PPM1H: variants seen among roughly 807,000 people sequenced by gnomAD.
PPM1H encodes the protein protein phosphatase 1H.
Under a neutral mutation model 54.9 loss-of-function variants are expected in PPM1H, and 27 were observed. The observed-to-expected ratio is 0.49, with a 90% CI of 0.36 to 0.68. PPM1H has a LOEUF of 0.68. Ranked by LOEUF, PPM1H falls within the 30% of genes least tolerant of loss-of-function variation. PPM1H has a pLI of 0.00. For synonymous variants in PPM1H, 305 were observed against 270.8 expected (o/e 1.13, Z -1.24); for missense variants, 596 against 667.8 (o/e 0.89, Z 1.19).
intron 4 of PPM1H, among the ~76,000 whole-genome samples, chr12:62,781,065 G>T (rs1180087384): frequency 6.6e-6 from 1 of 152,176 alleles, no homozygotes; most frequent in Admixed American, 6.5e-5. Context: ...TTTCCCAGGG[G>T]CCCAACAATG....
intron 2 of PPM1H, among the ~76,000 whole-genome samples, chr12:62,809,620 T>C (rs1261372948): frequency 6.6e-6 from 1 of 152,196 alleles, no homozygotes; most frequent in East Asian, 1.9e-4. Flanking sequence ...GGTATGAAGG[T>C]GATGCTTTTA....
At chr12:62,778,695 A>C (rs569668094) in intron 4 of PPM1H, among the ~76,000 whole-genome samples, 4 of 152,330 alleles carry the variant, frequency 2.6e-5, no homozygotes, top group Admixed American at 2.6e-4. Flanking sequence ...TCATGCCTAT[A>C]ATCCTAACAC....
At chr12:62,822,648 G>A (rs138123052) in intron 2 of PPM1H, among the ~76,000 whole-genome samples, 1 of 152,068 alleles carries the variant, frequency 6.6e-6, no homozygotes, top group African/African-American at 2.4e-5. Flanking sequence ...TGACTACTGG[G>A]TACATAATGA....
chr12:62,869,040 C>T (rs1440060227), intron 1 of PPM1H, among the ~76,000 whole-genome samples: 1 of 152,198 alleles, frequency 6.6e-6, no homozygotes, highest in Non-Finnish European at 1.5e-5. Context: ...TACACACAGT[C>T]ACACAGATAA....
At chr12:62,845,589 T>G (rs1262034498) in intron 1 of PPM1H, among the ~76,000 whole-genome samples, 1 of 152,102 alleles carries the variant, frequency 6.6e-6, no homozygotes, top group Non-Finnish European at 1.5e-5. Context: ...TTAATACGGG[T>G]GTACAAGGGA....
intron 2 of PPM1H, among the ~76,000 whole-genome samples, chr12:62,818,254 C>T (rs189632010): frequency 6.2e-4 from 94 of 152,292 alleles, no homozygotes; most frequent in East Asian, 3.7e-3. Context: ...GTACCCTCCT[C>T]CTCTTATCTC....
chr12:62,695,953 C>T (rs1352620251), intron 6 of PPM1H, among the ~76,000 whole-genome samples: 1 of 152,058 alleles, frequency 6.6e-6, no homozygotes. Context: ...TAGAAAGGGG[C>T]TGGGCCTTGA....
intron 6 of PPM1H, among the ~76,000 whole-genome samples, chr12:62,709,382 G>C (rs554759869): frequency 6.6e-6 from 1 of 152,248 alleles, no homozygotes; most frequent in South Asian, 2.1e-4. Flanking sequence ...CCCAGCTGGG[G>C]CCTACTTGTC....
intron 5 of PPM1H, among the ~76,000 whole-genome samples, chr12:62,737,088 G>T (rs899116002): frequency 7.9e-5 from 12 of 152,078 alleles, no homozygotes; most frequent in African/African-American, 2.9e-4. Flanking sequence ...GAGCTGCCAC[G>T]TGGGCAGATT....
chr12:62,717,006 C>T (rs2120448157), intron 6 of PPM1H, among the ~76,000 whole-genome samples: 1 of 151,942 alleles, frequency 6.6e-6, no homozygotes, highest in East Asian at 1.9e-4. Context: ...TGAGGTCTTG[C>T]TCTGTTGCCC....
At chr12:62,784,555 T>C (rs2076660020) in intron 4 of PPM1H, among the ~76,000 whole-genome samples, 1 of 152,202 alleles carries the variant, frequency 6.6e-6, no homozygotes, top group South Asian at 2.1e-4. Context: ...ACAGCTAATA[T>C]CTAGCAATAA....
At chr12:62,827,182 T>C (rs1404936377) in intron 2 of PPM1H, among the ~76,000 whole-genome samples, 1 of 152,186 alleles carries the variant, frequency 6.6e-6, no homozygotes, top group Admixed American at 6.5e-5. Flanking sequence ...AGAATCAGAA[T>C]CAGTATACTC....
chr12:62,927,331 C>A (rs1023091780), intron 1 of PPM1H, among the ~76,000 whole-genome samples: 2 of 152,076 alleles, frequency 1.3e-5, no homozygotes, highest in Non-Finnish European at 2.9e-5. Flanking sequence ...AATGGGAAGC[C>A]CTTCAATGGA....
At chr12:62,728,739 G>A (rs1342836938) in intron 5 of PPM1H, among the ~76,000 whole-genome samples, 1 of 152,018 alleles carries the variant, frequency 6.6e-6, no homozygotes, top group African/African-American at 2.4e-5. Flanking sequence ...GCAGGGCAAG[G>A]AAAAAAGGGT....
intron 3 of PPM1H, among the ~76,000 whole-genome samples, chr12:62,788,827 G>A (rs943802739): frequency 2.0e-5 from 3 of 152,002 alleles, no homozygotes; most frequent in Non-Finnish European, 2.9e-5. Flanking sequence ...CCAGGCTCAA[G>A]CAATCCTCCC....
At chr12:62,902,987 TG>T (rs1871202085) in intron 1 of PPM1H, among the ~76,000 whole-genome samples, 1 of 152,238 alleles carries the variant, frequency 6.6e-6, no homozygotes, top group Non-Finnish European at 1.5e-5. Flanking sequence ...ATTTGATCAC[TG>T]CTTTTTTACA....
intron 1 of PPM1H, among the ~76,000 whole-genome samples, chr12:62,900,935 A>G (rs1278971428): frequency 6.6e-6 from 1 of 152,130 alleles, no homozygotes; most frequent in African/African-American, 2.4e-5. Context: ...TCCATGTGCT[A>G]TGATATAATT....
chr12:62,758,497 A>T (rs1031262428), intron 4 of PPM1H, among the ~76,000 whole-genome samples: 1 of 152,186 alleles, frequency 6.6e-6, no homozygotes, highest in Admixed American at 6.5e-5. Context: ...ATGCACATGC[A>T]TGAGAAATTA....
At chr12:62,769,001 G>A (rs1383129917) in intron 4 of PPM1H, among the ~76,000 whole-genome samples, 1 of 152,160 alleles carries the variant, frequency 6.6e-6, no homozygotes, top group Non-Finnish European at 1.5e-5. Context: ...TATATATTCA[G>A]ATACCTATAC....
Sources: gnomAD v4.1 joint callset for allele counts (sites outside exome capture counted in the v4.1 genomes callset) on GRCh38, gnomAD v4.1.1 for gene constraint, MANE v1.5 for transcripts, NCBI Gene and HGNC (gene_info 2026-07-23, HGNC 2026-07-21) for gene names.